Variants in WWTR1 observed in about 807,000 individuals in gnomAD.
WWTR1 encodes the protein WW domain-containing transcription regulator protein 1.
Under a neutral mutation model 40.1 loss-of-function variants are expected in WWTR1, and 13 were observed. The ratio of observed to expected loss-of-function variants is 0.32; its 90% CI spans 0.21 to 0.52. The LOEUF is 0.52. Among genes scored for constraint, WWTR1 ranks in the 20% least tolerant of loss-of-function variants. The pLI is 0.97. For missense variants in WWTR1, 436 were observed against 523.1 expected (o/e 0.83, Z 1.63); for synonymous variants, 230 against 210.1 (o/e 1.09, Z -0.82).
At chr3:149,705,775 T>C (rs1206287279), upstream of WWTR1, among the ~76,000 whole-genome samples, 2 of 152,242 alleles carry the variant, frequency 1.3e-5, no homozygotes, top group South Asian at 2.1e-4. Flanking sequence ...AAAATAGTTA[T>C]AATTTTCAAA....
chr3:149,588,864 TA>T (rs5853425), intron 2 of WWTR1, among the ~76,000 whole-genome samples: 7,298 of 152,290 alleles, frequency 0.048, 255 homozygotes, highest in Non-Finnish European at 0.07. Context: ...GTCTCTGCCT[TA>T]ACTGTGAGTT....
intron 1 of WWTR1, among the ~76,000 whole-genome samples, chr3:149,685,785 C>T (rs1309343422): frequency 1.3e-5 from 2 of 152,078 alleles, no homozygotes; most frequent in African/African-American, 2.4e-5. Flanking sequence ...GCAGAGTAGA[C>T]GTTATCATTT....
At chr3:149,545,180 G>A (rs1736307394) in intron 3 of WWTR1, among the ~76,000 whole-genome samples, 1 of 152,142 alleles carries the variant, frequency 6.6e-6, no homozygotes, top group South Asian at 2.1e-4. Context: ...TGAAGGCCTG[G>A]GGTGGGAGGT....
At chr3:149,608,543 G>A (rs112718776) in intron 2 of WWTR1, among the ~76,000 whole-genome samples, 8,261 of 151,874 alleles carry the variant, frequency 0.054, 335 homozygotes, top group Non-Finnish European at 0.081. Flanking sequence ...GTGCCACCAC[G>A]CCTGGCTAAT....
At chr3:149,620,240 T>G (rs1182928642) in intron 2 of WWTR1, among the ~76,000 whole-genome samples, 1 of 152,172 alleles carries the variant, frequency 6.6e-6, no homozygotes, top group Non-Finnish European at 1.5e-5. Context: ...GTTTCTTTAT[T>G]TTTTAGATAA....
Position 149,626,355 on chromosome 3 carries a change from C to T in WWTR1, c.431+30521G>A, listed in dbSNP as rs114078541. Reference sequence around the variant, plus strand: ...GCAGACCACGTCCTATAACCATCCTCGGTGCCTCAGGATCATATTTCCTAT... The same window carrying T: ...GCAGACCACGTCCTATAACCATCCTTGGTGCCTCAGGATCATATTTCCTAT... On this transcript the variant is annotated intron_variant, in intron 2 of 6. Coordinates refer to ENST00000360632, the MANE Select transcript of WWTR1 (RefSeq NM_015472.6). Among the ~76,000 whole-genome samples, 897 of 152,252 alleles carry T rather than the reference C, an allele frequency of 5.9e-3. 10 individuals are homozygous for T. The highest frequency in any genetic ancestry group is 0.02 in the African/African-American group (842 of 41,544).
chr3:149,649,730 A>C (rs2108146027), intron 2 of WWTR1: 1 of 152,250 alleles, frequency 6.6e-6, no homozygotes, highest in Non-Finnish European at 1.5e-5. Context: ...CAGCCTGGCC[A>C]ACATGGTGAA....
chr3:149,561,830 T>G (rs1180409346), intron 3 of WWTR1, among the ~76,000 whole-genome samples: 2 of 152,160 alleles, frequency 1.3e-5, no homozygotes, highest in Non-Finnish European at 2.9e-5. Flanking sequence ...ATGTCTAGAA[T>G]AATGCTCAGG....
chr3:149,648,782 G>C (rs867528466), intron 2 of WWTR1, among the ~76,000 whole-genome samples: 5 of 152,074 alleles, frequency 3.3e-5, no homozygotes, highest in African/African-American at 9.7e-5. Context: ...CCTTACAAAG[G>C]CTTCCGGCAA....
chr3:149,621,080 C>A (rs1406361874), intron 2 of WWTR1, among the ~76,000 whole-genome samples: 1 of 152,170 alleles, frequency 6.6e-6, no homozygotes, highest in East Asian at 1.9e-4. Flanking sequence ...ACTTTAGGGT[C>A]CTGAAAATGT....
At position 149,610,966 on chromosome 3, in the gene WWTR1, G is replaced by C. The variant is rs1214212643; in HGVS notation, c.432-37966C>G. Among the ~76,000 whole-genome samples, 63 of 149,654 alleles carry C rather than the reference G, an allele frequency of 4.2e-4. 1 individual carries two copies. Among genetic ancestry groups the C allele is most frequent in the Admixed American group, 3.9e-3 (58 of 15,014 alleles). On this transcript the variant is annotated intron_variant, in intron 2 of 6. Coordinates refer to ENST00000360632, the MANE Select transcript of WWTR1 (RefSeq NM_015472.6). The stretch of plus-strand genomic sequence containing the variant: ...GAGACCAGCTTGGGCAGTGAACCAA[G>C]ACCCCATCTGTACAAAAAAAAAAAA...
chr3:149,713,267 C>T (rs542817272), intron 5 of WWTR1, among the ~76,000 whole-genome samples: 1 of 151,784 alleles, frequency 6.6e-6, no homozygotes, highest in Non-Finnish European at 1.5e-5. Context: ...ACACATAAAC[C>T]GTTAGAAATT....
chr3:149,551,818 C>A, intron 3 of WWTR1, among the ~76,000 whole-genome samples: 1 of 145,634 alleles, frequency 6.9e-6, no homozygotes, highest in East Asian at 2.0e-4. Flanking sequence ...GAACCAGGAG[C>A]CAGTACAAAA....
chr3:149,580,368 T>G (rs1415040853), intron 2 of WWTR1, among the ~76,000 whole-genome samples: 1 of 152,162 alleles, frequency 6.6e-6, no homozygotes, highest in Non-Finnish European at 1.5e-5. Flanking sequence ...GCACACTTTC[T>G]CCAGGTAGTC....
In WWTR1 at chr3:149,568,523, C is replaced by CAAAAAAAAAAAAAAA. The variant is rs34414853; in HGVS notation, c.568+4326_568+4340dup. 4.2e-4 allele frequency among the ~76,000 whole-genome samples: 27 copies of CAAAAAAAAAAAAAAA among 64,812 alleles called. 6 individuals are homozygous for CAAAAAAAAAAAAAAA. Among genetic ancestry groups the CAAAAAAAAAAAAAAA allele is most frequent in the Non-Finnish European group, 5.4e-4 (17 of 31,610 alleles). The allele number at this position is 64,812 out of a possible 152,430, so 42.5% of individuals were successfully genotyped here. A position where few individuals can be genotyped will look rare whatever the true frequency, so the allele number is the denominator to read the frequency against. ...GGAGATGGCTATTTGAATTAAAGTG[C>CAAAAAAAAAAAAAAA]AAAAAAAAAAAAAAAAAAAAAAAAA... On this transcript the variant is annotated intron_variant, in intron 3 of 6. Coordinates refer to ENST00000360632, the MANE Select transcript of WWTR1 (RefSeq NM_015472.6).
chr3:149,556,607 G>A (rs1396783072), intron 3 of WWTR1, among the ~76,000 whole-genome samples: 3 of 151,888 alleles, frequency 2.0e-5, no homozygotes. Flanking sequence ...AAACCATGAA[G>A]GAAAGAGGCC....
chr3:149,591,653 A>T (rs1007686883), intron 2 of WWTR1, among the ~76,000 whole-genome samples: 15 of 152,216 alleles, frequency 9.9e-5, no homozygotes, highest in African/African-American at 3.4e-4. Flanking sequence ...TTTTCATGAT[A>T]ATATCTTATG....
chr3:149,637,718 A>C (rs563473230), intron 2 of WWTR1, among the ~76,000 whole-genome samples: 283 of 152,288 alleles, frequency 1.9e-3, no homozygotes, highest in Admixed American at 2.9e-3. Context: ...TTAAGTGGCA[A>C]ATTACCCCAA....
intron 1 of WWTR1, among the ~76,000 whole-genome samples, chr3:149,676,078 T>C (rs1240475530): frequency 2.6e-5 from 4 of 152,256 alleles, no homozygotes; most frequent in Admixed American, 2.0e-4. Context: ...TGGTGGAACA[T>C]TGACCATGTC....
Sources: allele counts gnomAD v4.1 joint callset (sites outside exome capture counted in the v4.1 genomes callset), GRCh38; gene constraint gnomAD v4.1.1; transcripts MANE v1.5; gene names NCBI Gene and HGNC (gene_info 2026-07-23, HGNC 2026-07-21).